The following ERC2 variants were observed in gnomAD, a reference collection of about 807,000 sequenced individuals.
ERC2 encodes ERC protein 2.
ERC2 carries 42 observed loss-of-function variants against 114.8 expected under a neutral mutation model. The ratio of observed to expected loss-of-function variants is 0.37; its 90% CI spans 0.29 to 0.47. The LOEUF (loss-of-function observed/expected upper bound fraction) is 0.47. Ranked by LOEUF, ERC2 falls within the 20% of genes least tolerant of loss-of-function variation. ERC2 has a pLI of 0.99. For synonymous variants in ERC2, 454 were observed against 425.5 expected (o/e 1.07, Z -0.82); for missense variants, 939 against 1,150.7 (o/e 0.82, Z 2.66).
chr3:56,262,761 C>T (rs1035684828), intron 3 of ERC2, among the ~76,000 whole-genome samples: 7 of 152,186 alleles, frequency 4.6e-5, no homozygotes, highest in Admixed American at 1.3e-4. Context: ...ACTAACTTTC[C>T]TCTCATTACA....
At chr3:55,854,131 T>G (rs2061687602) in intron 14 of ERC2, among the ~76,000 whole-genome samples, 1 of 152,070 alleles carries the variant, frequency 6.6e-6, no homozygotes, top group Non-Finnish European at 1.5e-5. Context: ...AAAAATTAGC[T>G]GGGCATGGTG....
chr3:55,550,823 T>C (rs895978233), intron 17 of ERC2, among the ~76,000 whole-genome samples: 3 of 152,024 alleles, frequency 2.0e-5, no homozygotes, highest in African/African-American at 7.2e-5. Context: ...GAGACCATCC[T>C]GGCTAACACG....
chr3:55,662,872 A>G (rs955700458), intron 17 of ERC2, among the ~76,000 whole-genome samples: 1 of 152,198 alleles, frequency 6.6e-6, no homozygotes, highest in Non-Finnish European at 1.5e-5. Context: ...ATGCTTATTC[A>G]TTGCTACAGT....
intron 8 of ERC2, among the ~76,000 whole-genome samples, chr3:56,016,625 T>C (rs1014702424): frequency 6.6e-6 from 1 of 151,958 alleles, no homozygotes; most frequent in Admixed American, 6.6e-5. Context: ...GGCCTAACAA[T>C]AGAGACTTTC....
At chr3:55,911,609 G>C (rs946746284) in intron 13 of ERC2, among the ~76,000 whole-genome samples, 6 of 152,290 alleles carry the variant, frequency 3.9e-5, no homozygotes, top group Admixed American at 6.5e-5. Context: ...CATATTGCTT[G>C]GAGGACCACC....
chr3:55,971,824 T>C (rs373756777), intron 12 of ERC2, among the ~76,000 whole-genome samples: 37 of 152,304 alleles, frequency 2.4e-4, no homozygotes, highest in African/African-American at 7.9e-4. Flanking sequence ...CCCTCCTTCT[T>C]CTGTACCCTT....
intron 3 of ERC2, among the ~76,000 whole-genome samples, chr3:56,248,413 T>G (rs574135413): frequency 6.6e-6 from 1 of 152,318 alleles, no homozygotes; most frequent in East Asian, 1.9e-4. Context: ...ATTATTTTCT[T>G]TTAAAAATGG....
At position 56,191,254 on chromosome 3, in the gene ERC2, G is replaced by A. The variant is rs118024573; in HGVS notation, c.1075-17734C>T. ...GAACTGTGGTTTTCAGGGGGTCCAG[G>A]GAAAACATGCCAGGCCTCAGTGTTG... On this transcript the variant is annotated intron_variant, in intron 3 of 17. Transcript: ENST00000288221. Among the ~76,000 whole-genome samples the A allele has an allele frequency of 3.3e-5, 5 of 152,214 alleles. No individual in the cohort carries two copies. The East Asian group carries it at 9.7e-4, about 29-fold the overall frequency.
chr3:55,944,530 A>C (rs1461337379), intron 13 of ERC2, among the ~76,000 whole-genome samples: 1 of 152,226 alleles, frequency 6.6e-6, no homozygotes, highest in East Asian at 1.9e-4. Flanking sequence ...GTCATACTTT[A>C]GTGGGAGGAA....
intron 15 of ERC2, 83 bp downstream of exon 15, chr3:55,734,687 GA>G: frequency 6.6e-7 from 1 of 1,512,522 alleles, no homozygotes. Flanking sequence ...ATGGACATGG[GA>G]AAATGAAGAG....
chr3:56,385,476 T>C (rs1341541437), intron 2 of ERC2, among the ~76,000 whole-genome samples: 1 of 152,174 alleles, frequency 6.6e-6, no homozygotes, highest in Non-Finnish European at 1.5e-5. Context: ...CCAGCATTAA[T>C]GATTTCCCCA....
chr3:55,776,179 GACCAAGTGAACTGGAATTAT>G (rs151129508), intron 14 of ERC2, among the ~76,000 whole-genome samples: 9,630 of 150,650 alleles, frequency 0.064, 447 homozygotes, highest in African/African-American at 0.13. Context: ...TTTAGTAACT[GACCAAGTGAACTGGAATTAT>G]AAAGGGCACA....
intron 14 of ERC2, among the ~76,000 whole-genome samples, chr3:55,782,557 A>G (rs9818853): frequency 0.069 from 10,503 of 152,280 alleles, 588 homozygotes; most frequent in African/African-American, 0.15. Context: ...TTACTCGACA[A>G]ATACAGAGTC....
At chr3:56,246,246 TGACA>T (rs1051748963) in intron 3 of ERC2, among the ~76,000 whole-genome samples, 12 of 152,156 alleles carry the variant, frequency 7.9e-5, no homozygotes, top group African/African-American at 1.2e-4. Context: ...TCGACATCAT[TGACA>T]TTAGAGACCA....
intron 2 of ERC2, among the ~76,000 whole-genome samples, chr3:56,393,091 A>G (rs1194269324): frequency 6.6e-6 from 1 of 152,188 alleles, no homozygotes; most frequent in Non-Finnish European, 1.5e-5. Flanking sequence ...GTCATCCTTT[A>G]TATCACAGCT....
At position 55,800,304 on chromosome 3, in the gene ERC2, C is replaced by T. The variant is rs141848718; in HGVS notation, c.2565-65386G>A. On this transcript the variant is annotated intron_variant, in intron 14 of 17. Transcript: ENST00000288221. ...GATTACAGGCACGTGCTACCACGCC[C>T]GGCTAATTTTTGTATTTTTAGTAGA... 1.7e-3 allele frequency among the ~76,000 whole-genome samples: 266 copies of T among 152,070 alleles called. 2 individuals are homozygous for T. The highest frequency in any genetic ancestry group is 5.9e-3 in the African/African-American group (244 of 41,470).
chr3:56,034,420 A>G (rs980982477), intron 7 of ERC2, among the ~76,000 whole-genome samples: 1 of 152,182 alleles, frequency 6.6e-6, no homozygotes, highest in Non-Finnish European at 1.5e-5. Context: ...AATAATGACT[A>G]GGTCATCTAG....
At chr3:56,150,246 T>C (rs2081348600) in intron 4 of ERC2, among the ~76,000 whole-genome samples, 1 of 152,226 alleles carries the variant, frequency 6.6e-6, no homozygotes, top group African/African-American at 2.4e-5. Flanking sequence ...ATTCTATTTA[T>C]AAGTAACTCA....
At chr3:55,900,176 C>T (rs375211410) in intron 13 of ERC2, among the ~76,000 whole-genome samples, 7 of 152,324 alleles carry the variant, frequency 4.6e-5, no homozygotes, top group African/African-American at 1.7e-4. Context: ...TTCCTGCCGC[C>T]TCCACCCTGC....
Sources: allele counts gnomAD v4.1 joint callset (sites outside exome capture counted in the v4.1 genomes callset), GRCh38; gene constraint gnomAD v4.1.1; transcripts MANE v1.5; gene names NCBI Gene and HGNC (gene_info 2026-07-23, HGNC 2026-07-21).